The following KCNH1 variants were observed in gnomAD, a reference collection of about 807,000 sequenced individuals.
KCNH1 encodes the protein potassium voltage-gated channel subfamily H member 1.
KCNH1 carries 27 observed loss-of-function variants against 69.2 expected under a neutral mutation model. The ratio of observed to expected loss-of-function variants is 0.39; its 90% CI spans 0.29 to 0.54. The LOEUF is 0.54. Among genes scored for constraint, KCNH1 ranks in the 20% least tolerant of loss-of-function variants. KCNH1 has a pLI of 0.68. For missense variants in KCNH1, 798 were observed against 1,261.6 expected (o/e 0.63, Z 5.57); for synonymous variants, 456 against 487.7 (o/e 0.93, Z 0.86).
At chr1:210,904,811 G>A (rs1027737411) in intron 7 of KCNH1, among the ~76,000 whole-genome samples, 1 of 152,174 alleles carries the variant, frequency 6.6e-6, no homozygotes, top group African/African-American at 2.4e-5. Context: ...ATCTAAGCCT[G>A]TCAATCACTC....
intron 1 of KCNH1, among the ~76,000 whole-genome samples, chr1:211,129,852 A>G (rs1386539215): frequency 3.3e-5 from 5 of 152,216 alleles, no homozygotes; most frequent in Non-Finnish European, 7.3e-5. Context: ...TAAATTATAC[A>G]TGTACATAAA....
chr1:210,781,675 CT>C (rs1302023020), intron 9 of KCNH1, among the ~76,000 whole-genome samples: 3 of 152,352 alleles, frequency 2.0e-5, no homozygotes, highest in Admixed American at 2.0e-4. Flanking sequence ...CTCAGACCAC[CT>C]GGATTATACC....
chr1:210,845,362 T>C (rs1685516576), intron 7 of KCNH1, among the ~76,000 whole-genome samples: 1 of 152,098 alleles, frequency 6.6e-6, no homozygotes, highest in Non-Finnish European at 1.5e-5. Context: ...CAGCAGCACA[T>C]CAAAAAGCTT....
At chr1:211,107,435 T>A in intron 1 of KCNH1, 58 bp from the exon 2 acceptor site, 1 of 1,517,666 alleles carries the variant, frequency 6.6e-7, no homozygotes, top group Non-Finnish European at 9.0e-7. Flanking sequence ...TTAGTTGAGA[T>A]TCAATGAGGA....
intron 5 of KCNH1, among the ~76,000 whole-genome samples, chr1:211,062,967 A>G (rs1690456511): frequency 6.6e-6 from 1 of 152,236 alleles, no homozygotes; most frequent in African/African-American, 2.4e-5. Context: ...GTATATTCCC[A>G]AAAGAAATAA....
At chr1:210,958,813 AC>A in intron 6 of KCNH1, among the ~76,000 whole-genome samples, 1 of 151,744 alleles carries the variant, frequency 6.6e-6, no homozygotes, top group Admixed American at 6.6e-5. Flanking sequence ...CATTCGTCTA[AC>A]CTTTTTTCAA....
At chr1:210,742,875 G>C (rs1047346354) in intron 10 of KCNH1, among the ~76,000 whole-genome samples, 1 of 152,128 alleles carries the variant, frequency 6.6e-6, no homozygotes, top group African/African-American at 2.4e-5. Context: ...GCGTGCACGT[G>C]CATGTGTGTG....
intron 7 of KCNH1, among the ~76,000 whole-genome samples, chr1:210,811,806 G>C (rs573505481): frequency 6.6e-6 from 1 of 152,280 alleles, no homozygotes; most frequent in Admixed American, 6.5e-5. Context: ...TATTTAGCAG[G>C]TAAGGAAACT....
At chr1:210,817,579 C>T (rs762898543) in intron 7 of KCNH1, among the ~76,000 whole-genome samples, 5 of 152,154 alleles carry the variant, frequency 3.3e-5, no homozygotes, top group African/African-American at 7.2e-5. Context: ...AACTAGTCAA[C>T]CATTGCATCA....
At chr1:211,115,717 G>GATATATATATA in intron 1 of KCNH1, among the ~76,000 whole-genome samples, 1 of 96,722 alleles carries the variant, frequency 1.0e-5, no homozygotes, top group Non-Finnish European at 2.3e-5. Context: ...ATATATATAT[G>GATATATATATA]TATATATATA....
chr1:211,081,428 G>C (rs1690857677), intron 5 of KCNH1, among the ~76,000 whole-genome samples: 1 of 152,282 alleles, frequency 6.6e-6, no homozygotes, highest in African/African-American at 2.4e-5. Flanking sequence ...CAAGGATCTA[G>C]AACTAGAAAT....
At chr1:211,089,903 A>G (rs943570180) in intron 4 of KCNH1, among the ~76,000 whole-genome samples, 20 of 152,328 alleles carry the variant, frequency 1.3e-4, no homozygotes, top group African/African-American at 4.6e-4. Context: ...GGACCTCTTC[A>G]GGGGTACGGT....
chr1:210,845,282 G>C (rs1685513216), intron 7 of KCNH1, among the ~76,000 whole-genome samples: 1 of 152,090 alleles, frequency 6.6e-6, no homozygotes, highest in African/African-American at 2.4e-5. Flanking sequence ...CCAAAAAAGA[G>C]AATTTTAGAC....
chr1:211,019,399 G>C lies in KCNH1; in HGVS notation c.559-143C>G, dbSNP rs1558570214. On this transcript the variant is annotated intron_variant, in intron 5 of 10. Coordinates refer to ENST00000271751, the MANE Select transcript of KCNH1 (RefSeq NM_172362.3). ...AATAACAGGTATGAAAGAAGTATGG[G>C]AGAATGAAAGTGAACATTATAATAG... 6.7e-6 allele frequency: 4 copies of C among 601,262 alleles called. No homozygotes were observed. In the East Asian group the frequency reaches 1.1e-4, roughly 16 times the overall value. 37.2% of individuals were successfully genotyped at this position (601,262 alleles called of 1,614,324 possible).
At chr1:211,005,083 A>G (rs1316297924) in intron 6 of KCNH1, among the ~76,000 whole-genome samples, 1 of 152,130 alleles carries the variant, frequency 6.6e-6, no homozygotes, top group Non-Finnish European at 1.5e-5. Context: ...GAGGAATGAA[A>G]AAAAGAAAAC....
rs1329541806 is a variant in KCNH1, at chr1:210,958,604, A to G, written c.1033-38535T>C. Reference sequence around the variant, plus strand: ...CCCAAATTTCTTGGAGGCTTTGTTCATTTCTTTTTACTCTTTTTTCTCTAA... The same window carrying G: ...CCCAAATTTCTTGGAGGCTTTGTTCGTTTCTTTTTACTCTTTTTTCTCTAA... On this transcript the variant is annotated intron_variant, in intron 6 of 10. Transcript: ENST00000271751. 3.9e-5 allele frequency among the ~76,000 whole-genome samples: 6 copies of G among 152,044 alleles called. No homozygotes were observed. In the East Asian group the frequency reaches 9.6e-4, roughly 24 times the overall value.
chr1:211,048,754 G>A (rs554706232), intron 5 of KCNH1, among the ~76,000 whole-genome samples: 1 of 152,330 alleles, frequency 6.6e-6, no homozygotes, highest in East Asian at 1.9e-4. Flanking sequence ...CACTGCTCAG[G>A]TGATGGGTGT....
chr1:210,831,069 A>G (rs1685152022), intron 7 of KCNH1, among the ~76,000 whole-genome samples: 1 of 152,214 alleles, frequency 6.6e-6, no homozygotes, highest in Non-Finnish European at 1.5e-5. Context: ...CCTCAATTCT[A>G]AGTCTGACCA....
chr1:210,695,582 GA>G (rs1250892044), intron 10 of KCNH1, among the ~76,000 whole-genome samples: 3 of 152,116 alleles, frequency 2.0e-5, no homozygotes, highest in Non-Finnish European at 4.4e-5. Flanking sequence ...CTCCTTGCTA[GA>G]ATAAACCCTG....
Sources: gnomAD v4.1 joint callset for allele counts (sites outside exome capture counted in the v4.1 genomes callset) on GRCh38, gnomAD v4.1.1 for gene constraint, MANE v1.5 for transcripts, NCBI Gene and HGNC (gene_info 2026-07-23, HGNC 2026-07-21) for gene names.